The following AMPH variants were observed in gnomAD, a reference collection of about 807,000 sequenced individuals.
The protein encoded by AMPH is amphiphysin, also known as amphiphysin (Stiff-Mann syndrome with breast cancer 128kD autoantigen).
A neutral mutation model predicts 99.1 loss-of-function variants in AMPH; 49 were observed. The observed-to-expected ratio is 0.49, with a 90% CI of 0.39 to 0.63. AMPH has a LOEUF of 0.63. Among genes scored for constraint, AMPH ranks in the 20% least tolerant of loss-of-function variants. The probability of loss-of-function intolerance (pLI) is 0.00; values close to 1 mark genes in which losing one functional copy is unlikely to be tolerated. For synonymous variants in AMPH, 314 were observed against 317.3 expected (o/e 0.99, Z 0.11); for missense variants, 759 against 863.4 (o/e 0.88, Z 1.52).
chr7:38,438,053 T>A (rs1235134806), intron 11 of AMPH, among the ~76,000 whole-genome samples: 1 of 152,188 alleles, frequency 6.6e-6, no homozygotes, highest in Non-Finnish European at 1.5e-5. Context: ...GATTCCCTAT[T>A]CAAAATCTGC....
At chr7:38,430,019 A>T in intron 13 of AMPH, 154 bp from the exon 14 acceptor site, 1 of 693,280 alleles carries the variant, frequency 1.4e-6, no homozygotes, top group Non-Finnish European at 2.2e-6. Context: ...GATAGGAATG[A>T]TTTTTGTTCC....
intron 12 of AMPH, among the ~76,000 whole-genome samples, chr7:38,432,830 T>C (rs1340063899): frequency 1.3e-5 from 2 of 152,204 alleles, no homozygotes; most frequent in Non-Finnish European, 2.9e-5. Context: ...AATGAATTGG[T>C]AATCATACAA....
rs1033116778 is a variant in AMPH, at chr7:38,426,998, C to T, written c.1183-12G>A. The T allele has an allele frequency of 2.2e-5, 35 of 1,610,020 alleles. No individual in the cohort carries two copies. The highest frequency in any genetic ancestry group is 3.3e-4 in the Middle Eastern group (2 of 6,068). Reference sequence around the variant, plus strand: ...GAACCACCAGAAGCCTAAACAGAAACGAAAATCAGATTGTGTTATTATTTT... The same window carrying T: ...GAACCACCAGAAGCCTAAACAGAAATGAAAATCAGATTGTGTTATTATTTT... On this transcript the variant is annotated splice_polypyrimidine_tract_variant and intron_variant, in intron 14 of 20. Transcript: ENST00000356264.
chr7:38,628,014 T>A (rs1481816718), intron 1 of AMPH, among the ~76,000 whole-genome samples: 1 of 152,098 alleles, frequency 6.6e-6, no homozygotes, highest in East Asian at 1.9e-4. Flanking sequence ...ACAAAAACAT[T>A]TTCTCAGTAG....
chr7:38,547,801 AGATCATAG>A (rs1027278317), intron 1 of AMPH, among the ~76,000 whole-genome samples: 2 of 152,190 alleles, frequency 1.3e-5, no homozygotes, highest in Non-Finnish European at 2.9e-5. Flanking sequence ...GAGGGCTTCT[AGATCATAG>A]GTAGAGAAGA....
At chr7:38,607,628 T>C (rs1021755551) in intron 1 of AMPH, among the ~76,000 whole-genome samples, 9 of 152,296 alleles carry the variant, frequency 5.9e-5, no homozygotes, top group Non-Finnish European at 1.3e-4. Context: ...GCTCTGTTTC[T>C]ACTACTGGAA....
At chr7:38,628,084 G>A (rs1794321247) in intron 1 of AMPH, among the ~76,000 whole-genome samples, 1 of 152,150 alleles carries the variant, frequency 6.6e-6, no homozygotes, top group Non-Finnish European at 1.5e-5. Flanking sequence ...GTAACCCTTA[G>A]GCTTGATAAA....
intron 17 of AMPH, among the ~76,000 whole-genome samples, chr7:38,412,446 A>G (rs992525706): frequency 2.0e-5 from 3 of 152,148 alleles, no homozygotes; most frequent in Admixed American, 1.3e-4. Flanking sequence ...TGGAAATCAC[A>G]CTCCAGAAGG....
At chr7:38,464,095 A>T (rs1217842467) in intron 9 of AMPH, 1 of 1,289,660 alleles carries the variant, frequency 7.8e-7, no homozygotes, top group Non-Finnish European at 1.0e-6. Flanking sequence ...TCACCACCTC[A>T]TTCTGCAGAG....
chr7:38,528,920 GC>G (rs1790292590), intron 2 of AMPH, among the ~76,000 whole-genome samples: 1 of 151,900 alleles, frequency 6.6e-6, no homozygotes, highest in African/African-American at 2.4e-5. Context: ...CATTTCCAAG[GC>G]CTTGTATTCG....
chr7:38,567,825 AATAATAATCAACCCATGT>A (rs1791801774), intron 1 of AMPH, among the ~76,000 whole-genome samples: 1 of 152,214 alleles, frequency 6.6e-6, no homozygotes, highest in African/African-American at 2.4e-5. Context: ...CCATAGTAAT[AATAATAATCAACCCATGT>A]GATTATTATG....
intron 11 of AMPH, among the ~76,000 whole-genome samples, chr7:38,448,830 T>C (rs969785074): frequency 6.6e-6 from 1 of 152,194 alleles, no homozygotes; most frequent in Non-Finnish European, 1.5e-5. Flanking sequence ...TAGGAATGAG[T>C]TGACACACAA....
chr7:38,513,617 A>T (rs868274769), intron 2 of AMPH, among the ~76,000 whole-genome samples: 99 of 152,332 alleles, frequency 6.5e-4, no homozygotes, highest in African/African-American at 2.4e-3. Context: ...TTTGTGCACT[A>T]GACCACAAGC....
At chr7:38,567,724 T>G (rs1791797660) in intron 1 of AMPH, among the ~76,000 whole-genome samples, 1 of 152,152 alleles carries the variant, frequency 6.6e-6, no homozygotes, top group African/African-American at 2.4e-5. Context: ...TTAGCTGCTT[T>G]GCACTATTCA....
chr7:38,433,744 A>AAAAAAAAAAAAG (rs1562751901), intron 12 of AMPH, among the ~76,000 whole-genome samples: 3 of 147,506 alleles, frequency 2.0e-5, no homozygotes, highest in African/African-American at 7.7e-5. Context: ...AAAAAAAAAA[A>AAAAAAAAAAAAG]AAGAATCAAA....
intron 1 of AMPH, among the ~76,000 whole-genome samples, chr7:38,539,223 CA>C (rs1790721092): frequency 6.6e-6 from 1 of 152,144 alleles, no homozygotes. Context: ...TGAAAGTGTC[CA>C]CTGGATTTAG....
chr7:38,631,222 G>A, intron 1 of AMPH, 61 bp downstream of exon 1: 1 of 1,453,582 alleles, frequency 6.9e-7, no homozygotes, highest in Non-Finnish European at 9.1e-7. Context: ...TGCAGCCGGT[G>A]CCCTCCGGCC....
chr7:38,585,486 G>A (rs576436543), intron 1 of AMPH, among the ~76,000 whole-genome samples: 42 of 152,272 alleles, frequency 2.8e-4, no homozygotes, highest in African/African-American at 9.6e-4. Context: ...GGTGACAGCC[G>A]CGCTCAAGTC....
chr7:38,571,094 GA>G (rs1791967423), intron 1 of AMPH, among the ~76,000 whole-genome samples: 1 of 59,544 alleles, frequency 1.7e-5, no homozygotes, highest in Non-Finnish European at 2.8e-5. Context: ...TTCATATATT[GA>G]ATATATATAT....
Sources: gnomAD v4.1 joint callset for allele counts (sites outside exome capture counted in the v4.1 genomes callset) on GRCh38, gnomAD v4.1.1 for gene constraint, MANE v1.5 for transcripts, NCBI Gene and HGNC (gene_info 2026-07-23, HGNC 2026-07-21) for gene names.